The following KIAA1549 variants were observed in gnomAD, a reference collection of about 807,000 sequenced individuals.
KIAA1549 encodes the protein KIAA1549.
A neutral mutation model predicts 156.4 loss-of-function variants in KIAA1549; 70 were observed. That is an observed-to-expected ratio of 0.45 (90% confidence interval 0.37 to 0.55). KIAA1549 has a LOEUF of 0.55. Ranked by LOEUF, KIAA1549 falls within the 20% of genes least tolerant of loss-of-function variation. The pLI is 0.00. For missense variants in KIAA1549, 2,428 were observed against 2,540.9 expected (o/e 0.96, Z 0.96); for synonymous variants, 1,103 against 1,066.4 (o/e 1.03, Z -0.67).
intron 10 of KIAA1549, 119 bp from the exon 11 acceptor site, chr7:138,881,703 C>T (rs944337437): frequency 2.2e-5 from 18 of 833,402 alleles, no homozygotes; most frequent in East Asian, 1.1e-4. Flanking sequence ...CAACAAGCAT[C>T]GCTAGAACAT....
At chr7:138,939,372 T>C (rs941467213) in intron 1 of KIAA1549, among the ~76,000 whole-genome samples, 1 of 152,226 alleles carries the variant, frequency 6.6e-6, no homozygotes, top group Admixed American at 6.5e-5. Context: ...TGCTTTTGGT[T>C]CATGTGTCTC....
At position 138,838,227 on chromosome 7, in the gene KIAA1549, G is replaced by A. The variant is rs527350130; in HGVS notation, c.5599-67C>T. On this transcript the variant is annotated intron_variant, in intron 19 of 19. Coordinates refer to ENST00000422774, the MANE Select transcript of KIAA1549 (RefSeq NM_001164665.2). ...TAAGCCGAAACATCAAATGCAAACTGGCTTTAGGAAGGTTCCCAGGACTGC... is the reference window on the plus strand; with the variant it reads ...TAAGCCGAAACATCAAATGCAAACTAGCTTTAGGAAGGTTCCCAGGACTGC... 76 of 1,433,954 alleles carry A rather than the reference G, an allele frequency of 5.3e-5. No homozygotes were observed. The African/African-American group carries it at 1.0e-3, about 19-fold the overall frequency. The allele number at this position is 1,433,954 out of a possible 1,614,324, so 88.8% of individuals were successfully genotyped here. A position where few individuals can be genotyped will look rare whatever the true frequency, so the allele number is the denominator to read the frequency against.
chr7:138,965,166 G>A (rs1398929785), intron 1 of KIAA1549, among the ~76,000 whole-genome samples: 2 of 152,100 alleles, frequency 1.3e-5, no homozygotes, highest in African/African-American at 4.8e-5. Flanking sequence ...CCTGGTAACA[G>A]GAGATTTGAG....
intron 1 of KIAA1549, among the ~76,000 whole-genome samples, chr7:138,957,125 AG>A (rs1311704868): frequency 3.9e-5 from 6 of 152,246 alleles, no homozygotes; most frequent in African/African-American, 1.4e-4. Context: ...GCAAAGGCAC[AG>A]GGGCATAAAA....
chr7:138,945,674 G>A (rs1306436504), intron 1 of KIAA1549, among the ~76,000 whole-genome samples: 1 of 152,184 alleles, frequency 6.6e-6, no homozygotes, highest in Non-Finnish European at 1.5e-5. Flanking sequence ...CTGACCACCT[G>A]TACTTTAAAA....
Position 138,909,123 on chromosome 7 carries a change from T to C in KIAA1549, c.3146-2A>G. 6.2e-7 allele frequency: 1 copy of C among 1,611,698 alleles called. No homozygotes were observed. The highest frequency in any genetic ancestry group is 8.5e-7 in the Non-Finnish European group (1 of 1,178,692). On this transcript the variant is annotated splice_acceptor_variant, in intron 4 of 19. Coordinates refer to ENST00000422774, the MANE Select transcript of KIAA1549 (RefSeq NM_001164665.2). LOFTEE classifies it high-confidence loss of function. ...CACTCGGAGGCACAAACTGAAGTAC[T>C]GAAAAGAAAAGCAATCAAAGTCCCA...
intron 11 of KIAA1549, among the ~76,000 whole-genome samples, 178 bp downstream of exon 11, chr7:138,881,210 G>A (rs1047956832): frequency 2.6e-5 from 4 of 152,166 alleles, no homozygotes; most frequent in Non-Finnish European, 4.4e-5. Flanking sequence ...TTGGCAGCCC[G>A]TGAGAGTGGC....
At chr7:138,887,910 G>A (rs907206126) in intron 10 of KIAA1549, among the ~76,000 whole-genome samples, 2 of 152,094 alleles carry the variant, frequency 1.3e-5, no homozygotes, top group African/African-American at 4.8e-5. Context: ...GCTTCCCCTC[G>A]ACCATCTCCC....
chr7:138,877,973 A>G (rs1469904490), intron 12 of KIAA1549, among the ~76,000 whole-genome samples: 1 of 152,238 alleles, frequency 6.6e-6, no homozygotes, highest in Non-Finnish European at 1.5e-5. Context: ...CAGAACTTGG[A>G]AAAATCCAGA....
At chr7:138,964,944 G>GC (rs577811579) in intron 1 of KIAA1549, among the ~76,000 whole-genome samples, 4 of 150,792 alleles carry the variant, frequency 2.7e-5, no homozygotes, top group Admixed American at 2.0e-4. Flanking sequence ...TCATAGCAGT[G>GC]TTTTTTTTCT....
chr7:138,901,974 C>G (rs929424338), intron 8 of KIAA1549, among the ~76,000 whole-genome samples: 2 of 149,298 alleles, frequency 1.3e-5, no homozygotes, highest in African/African-American at 4.9e-5. Flanking sequence ...ATTATACTTT[C>G]ACGGTGTCCT....
intron 1 of KIAA1549, among the ~76,000 whole-genome samples, chr7:138,968,187 G>C (rs7776888): frequency 1.3e-5 from 2 of 152,204 alleles, no homozygotes; most frequent in South Asian, 2.1e-4. Flanking sequence ...AGGCCCTCTC[G>C]GTAGGTGGGG....
At position 138,840,233 on chromosome 7, in the gene KIAA1549, A is replaced by G. The variant is rs1376507399; in HGVS notation, c.5498T>C (p.Ile1833Thr). Residue 1833 changes from isoleucine (I) to threonine (T), a missense_variant, in exon 19 of 20, where the codon ATT becomes ACT. By Grantham distance (89) the Ile-to-Thr change is moderately conservative. Coordinates refer to ENST00000422774, the MANE Select transcript of KIAA1549 (RefSeq NM_001164665.2). ...CGGGATTTCCACTGGCTGAGCTCCA[A>G]TTCTGCTGGCAATCCCCACCTGTGT... ...HLTQVGIASR[I>T]GAQPVEIPPS... 19 of 1,589,652 alleles carry G rather than the reference A, an allele frequency of 1.2e-5. No individual in the cohort carries two copies. The highest frequency in any genetic ancestry group is 2.3e-5 in the East Asian group (1 of 43,918).
At chr7:138,863,588 A>G (rs962844976) in intron 15 of KIAA1549, among the ~76,000 whole-genome samples, 1 of 152,120 alleles carries the variant, frequency 6.6e-6, no homozygotes, top group Non-Finnish European at 1.5e-5. Flanking sequence ...ATTATTTTAA[A>G]CATCTGAAAA....
At chr7:138,937,890 G>A (rs1354299888) in intron 1 of KIAA1549, among the ~76,000 whole-genome samples, 1 of 152,184 alleles carries the variant, frequency 6.6e-6, no homozygotes, top group Non-Finnish European at 1.5e-5. Context: ...CATCAAGGAA[G>A]GTGGGGGGAG....
chr7:138,840,081 C>T (rs941999338), intron 19 of KIAA1549, 52 bp downstream of exon 19: 119 of 1,505,674 alleles, frequency 7.9e-5, no homozygotes, highest in Non-Finnish European at 9.4e-5. Context: ...TGAGCCACCG[C>T]ACCTGGCCTA....
rs144091220 is a variant in KIAA1549, at chr7:138,971,945, C to A, written c.187+9138G>T. On this transcript the variant is annotated intron_variant, in intron 1 of 19. Coordinates refer to ENST00000422774, the MANE Select transcript of KIAA1549 (RefSeq NM_001164665.2). ...AGACAGTCAAGCAAGGAGGAAGGGA[C>A]GTGACCTGTTCCTAGCAGGCCCTTC... 7.9e-5 allele frequency among the ~76,000 whole-genome samples: 12 copies of A among 152,278 alleles called. No homozygotes were observed. The East Asian group carries it at 2.3e-3, about 29-fold the overall frequency.
At chr7:138,883,360 T>C (rs150280743) in intron 10 of KIAA1549, among the ~76,000 whole-genome samples, 1,621 of 149,050 alleles carry the variant, frequency 0.011, 25 homozygotes, top group African/African-American at 0.038. Flanking sequence ...TCACCCAGGC[T>C]GGAGTGCAGT....
At chr7:138,869,102 C>T (rs534867099) in intron 14 of KIAA1549, among the ~76,000 whole-genome samples, 1 of 152,292 alleles carries the variant, frequency 6.6e-6, no homozygotes, top group African/African-American at 2.4e-5. Context: ...CGAAGATCTG[C>T]TGGGTGCCAG....
Sources: allele counts gnomAD v4.1 joint callset (sites outside exome capture counted in the v4.1 genomes callset), GRCh38; gene constraint gnomAD v4.1.1; transcripts MANE v1.5; gene names NCBI Gene and HGNC (gene_info 2026-07-23, HGNC 2026-07-21).